GPR39: variants seen among roughly 807,000 people sequenced by gnomAD.
GPR39 encodes the protein G protein-coupled receptor 39, also known as zinc sensing receptor.
A neutral mutation model predicts 18.4 loss-of-function variants in GPR39; 23 were observed. The ratio of observed to expected loss-of-function variants is 1.25; its 90% CI spans 0.90 to 1.77. GPR39 has a LOEUF of 1.77. Ranked by LOEUF, GPR39 falls within the 40% of genes most tolerant of loss-of-function variation. GPR39 has a pLI of 0.00. For synonymous variants in GPR39, 280 were observed against 257.9 expected, an observed-to-expected ratio of 1.09 and a Z score of -0.82; for missense variants, 647 against 602.4, an observed-to-expected ratio of 1.07 and a Z score of -0.78.
chr2:132,584,931 CAG>C (rs1380132194), intron 1 of GPR39, among the ~76,000 whole-genome samples: 1 of 152,222 alleles, frequency 6.6e-6, no homozygotes, highest in Non-Finnish European at 1.5e-5. Flanking sequence ...CCACAGATCT[CAG>C]AACCTCCTCA....
intron 1 of GPR39, among the ~76,000 whole-genome samples, chr2:132,453,964 G>C (rs548691612): frequency 1.7e-4 from 26 of 152,266 alleles, no homozygotes; most frequent in Middle Eastern, 3.4e-3. Context: ...GGCAATGTGG[G>C]CTCTTTTTTG....
chr2:132,548,120 C>T (rs897936774), intron 1 of GPR39, among the ~76,000 whole-genome samples: 1 of 152,180 alleles, frequency 6.6e-6, no homozygotes, highest in Non-Finnish European at 1.5e-5. Flanking sequence ...TCCTCCCCTT[C>T]CCTGTCTTTC....
At chr2:132,533,767 G>C (rs1180619639) in intron 1 of GPR39, among the ~76,000 whole-genome samples, 1 of 152,164 alleles carries the variant, frequency 6.6e-6, no homozygotes, top group East Asian at 1.9e-4. Flanking sequence ...AATAAATGGT[G>C]CTGGGAAAAC....
At position 132,628,911 on chromosome 2, in the gene GPR39, G is replaced by A. The variant is rs180830952; in HGVS notation, c.857-16190G>A. On this transcript the variant is annotated intron_variant, in intron 1 of 1. Transcript: ENST00000329321. ...CCCTACTCTGCTGTACTAGGCATGT[G>A]CTGGAACACAGCCCTTGCCTTCCAA... is the stretch of plus-strand genomic sequence containing the variant. 5.4e-4 allele frequency among the ~76,000 whole-genome samples: 82 copies of A among 152,278 alleles called. 1 individual carries two copies. Among genetic ancestry groups the A allele is most frequent in the African/African-American group, 1.9e-3 (79 of 41,562 alleles).
chr2:132,641,076 C>T (rs1681849099), intron 1 of GPR39, among the ~76,000 whole-genome samples: 1 of 152,188 alleles, frequency 6.6e-6, no homozygotes, highest in Non-Finnish European at 1.5e-5. Context: ...AGCCATTTTC[C>T]CCACCTCCAG....
intron 1 of GPR39, among the ~76,000 whole-genome samples, chr2:132,624,122 G>A (rs939926312): frequency 3.3e-5 from 5 of 152,198 alleles, no homozygotes; most frequent in African/African-American, 4.8e-5. Flanking sequence ...TCACAATTCC[G>A]GAGGCTAAAA....
chr2:132,522,603 C>A (rs1679445300), intron 1 of GPR39, among the ~76,000 whole-genome samples: 1 of 152,188 alleles, frequency 6.6e-6, no homozygotes, highest in African/African-American at 2.4e-5. Context: ...TGAGTAGCTG[C>A]TTTAGGGTTA....
At chr2:132,453,027 C>A (rs1327670794) in intron 1 of GPR39, among the ~76,000 whole-genome samples, 1 of 152,170 alleles carries the variant, frequency 6.6e-6, no homozygotes, top group East Asian at 1.9e-4. Flanking sequence ...AATGGTAATT[C>A]TAGTTCTACA....
At chr2:132,616,470 G>C (rs954524325) in intron 1 of GPR39, among the ~76,000 whole-genome samples, 7 of 152,156 alleles carry the variant, frequency 4.6e-5, no homozygotes, top group Non-Finnish European at 8.8e-5. Flanking sequence ...AGCCTGTAGG[G>C]GCCCAGGAAA....
At chr2:132,442,568 C>T (rs571389274) in intron 1 of GPR39, among the ~76,000 whole-genome samples, 3 of 152,310 alleles carry the variant, frequency 2.0e-5, no homozygotes, top group African/African-American at 4.8e-5. Context: ...GCTTTTGGCT[C>T]ATGCCCCTGT....
At chr2:132,546,995 G>T (rs972563879) in intron 1 of GPR39, among the ~76,000 whole-genome samples, 2 of 152,126 alleles carry the variant, frequency 1.3e-5, no homozygotes, top group Admixed American at 6.5e-5. Flanking sequence ...ATTCAAGGGG[G>T]TATTTTCAAA....
At chr2:132,592,792 G>T (rs1451329154) in intron 1 of GPR39, among the ~76,000 whole-genome samples, 10 of 152,168 alleles carry the variant, frequency 6.6e-5, no homozygotes, top group Non-Finnish European at 1.5e-4. Context: ...TTCTTGGATT[G>T]ATTGGATGCA....
intron 1 of GPR39, among the ~76,000 whole-genome samples, chr2:132,607,016 T>C (rs1358007518): frequency 6.6e-6 from 1 of 152,208 alleles, no homozygotes; most frequent in Non-Finnish European, 1.5e-5. Context: ...GATCTTGATA[T>C]ATATTTTCCC....
chr2:132,549,947 T>C (rs939213376), intron 1 of GPR39, among the ~76,000 whole-genome samples: 3 of 152,274 alleles, frequency 2.0e-5, no homozygotes, highest in Admixed American at 2.0e-4. Flanking sequence ...AAATAATCCG[T>C]TTTCCATTTT....
At chr2:132,549,246 C>A (rs1252690528) in intron 1 of GPR39, among the ~76,000 whole-genome samples, 1 of 152,102 alleles carries the variant, frequency 6.6e-6, no homozygotes, top group Non-Finnish European at 1.5e-5. Context: ...TCTTTGAATT[C>A]AGGGAAAAGG....
At position 132,491,910 on chromosome 2, in the gene GPR39, A is replaced by G. The variant is rs111433988; in HGVS notation, c.856+74012A>G. On this transcript the variant is annotated intron_variant, in intron 1 of 1. Coordinates refer to ENST00000329321, the MANE Select transcript of GPR39 (RefSeq NM_001508.3). The stretch of plus-strand genomic sequence containing the variant: ...CCTGTGCTTTTGAGGTTTATGTGAT[A>G]CATTGTGTGTGAAATGTAGAGCACT... 7.8e-3 allele frequency among the ~76,000 whole-genome samples: 1,180 copies of G among 151,928 alleles called. 18 individuals are homozygous for G. The highest frequency in any genetic ancestry group is 0.025 in the African/African-American group (1,046 of 41,388).
At chr2:132,587,408 G>A (rs1293262167) in intron 1 of GPR39, among the ~76,000 whole-genome samples, 4 of 152,156 alleles carry the variant, frequency 2.6e-5, no homozygotes, top group Non-Finnish European at 4.4e-5. Flanking sequence ...TTGGAGCTGG[G>A]GCCAGTGTTA....
In GPR39 at chr2:132,535,923, GT is replaced by G. The variant is rs59539747; in HGVS notation, c.857-109170del. The stretch of plus-strand genomic sequence containing the variant: ...GGTCAGTGGTGCTATCCCCTTTATT[GT>G]TTTTTTTATTGTGGTCTATTTGATT... On this transcript the variant is annotated intron_variant, in intron 1 of 1. Transcript: ENST00000329321. Among the ~76,000 whole-genome samples, 56 of 140,994 alleles carry G rather than the reference GT, an allele frequency of 4.0e-4. No individual in the cohort carries two copies. In the South Asian group the frequency reaches 0.012, roughly 30 times the overall value. The allele number at this position is 140,994 out of a possible 152,430, so 92.5% of individuals were successfully genotyped here. A position where few individuals can be genotyped will look rare whatever the true frequency, so the allele number is the denominator to read the frequency against.
chr2:132,565,136 C>A lies in GPR39; in HGVS notation c.857-79965C>A, dbSNP rs116265494. Reference sequence around the variant, plus strand: ...TCCTGGCCTTTAATAACTATTGATGCCATAATTGACCCACAGAGATTCTGA... The same window carrying A: ...TCCTGGCCTTTAATAACTATTGATGACATAATTGACCCACAGAGATTCTGA... On this transcript the variant is annotated intron_variant, in intron 1 of 1. Coordinates refer to ENST00000329321, the MANE Select transcript of GPR39 (RefSeq NM_001508.3). Among the ~76,000 whole-genome samples, 418 of 152,068 alleles carry A rather than the reference C, an allele frequency of 2.7e-3. 1 individual carries two copies. Among genetic ancestry groups the A allele is most frequent in the Middle Eastern group, 0.017 (5 of 294 alleles).
Sources: gnomAD v4.1 joint callset for allele counts (sites outside exome capture counted in the v4.1 genomes callset) on GRCh38, gnomAD v4.1.1 for gene constraint, MANE v1.5 for transcripts, NCBI Gene and HGNC (gene_info 2026-07-23, HGNC 2026-07-21) for gene names.